Variants in ST8SIA6 observed in about 807,000 individuals in gnomAD.
ST8SIA6 encodes the protein ST8 alpha-N-acetyl-neuraminide alpha-2,8-sialyltransferase 6.
In ST8SIA6, 39 loss-of-function variants were observed where a neutral mutation model predicts 33.6. The observed-to-expected ratio is 1.16, with a 90% CI of 0.90 to 1.52. The LOEUF (loss-of-function observed/expected upper bound fraction) is 1.52. Ranked by LOEUF, ST8SIA6 falls within the 40% of genes most tolerant of loss-of-function variation. The pLI, the probability that ST8SIA6 is intolerant of heterozygous loss-of-function variation, is 0.00. For synonymous variants in ST8SIA6, 172 were observed against 167.2 expected, an observed-to-expected ratio of 1.03 and a Z score of -0.22; for missense variants, 441 against 443.8, an observed-to-expected ratio of 0.99 and a Z score of 0.06.
chr10:17,351,385 GT>G (rs1163606533), intron 4 of ST8SIA6, among the ~76,000 whole-genome samples: 2 of 150,348 alleles, frequency 1.3e-5, no homozygotes, highest in East Asian at 3.9e-4. Flanking sequence ...TAAAAAAAAA[GT>G]TAAATTTCTT....
chr10:17,433,046 T>C (rs1232398708), intron 2 of ST8SIA6, among the ~76,000 whole-genome samples: 1 of 152,224 alleles, frequency 6.6e-6, no homozygotes, highest in Non-Finnish European at 1.5e-5. Context: ...TTCTGGGAGC[T>C]GCCCAATTCA....
chr10:17,394,917 A>G (rs952648513), intron 2 of ST8SIA6, among the ~76,000 whole-genome samples: 1 of 152,200 alleles, frequency 6.6e-6, no homozygotes, highest in Non-Finnish European at 1.5e-5. Context: ...GTGGCACAAG[A>G]GATAGCTGCA....
At chr10:17,375,964 G>A (rs918307542) in intron 3 of ST8SIA6, among the ~76,000 whole-genome samples, 4 of 152,172 alleles carry the variant, frequency 2.6e-5, no homozygotes, top group African/African-American at 9.7e-5. Flanking sequence ...TGGCAGAGAC[G>A]CCTGGCGGAT....
intron 3 of ST8SIA6, among the ~76,000 whole-genome samples, chr10:17,385,128 C>T (rs442593): frequency 0.27 from 41,547 of 152,052 alleles, 6,444 homozygotes; most frequent in East Asian, 0.64. Context: ...GAAACTCCAG[C>T]TGGAAACTGC....
At chr10:17,380,696 C>T (rs1850101759) in intron 3 of ST8SIA6, among the ~76,000 whole-genome samples, 1 of 152,024 alleles carries the variant, frequency 6.6e-6, no homozygotes, top group South Asian at 2.1e-4. Context: ...TAAGGAGCTC[C>T]ATGATTAAAA....
intron 2 of ST8SIA6, among the ~76,000 whole-genome samples, chr10:17,397,112 G>C (rs544515618): frequency 3.7e-4 from 56 of 152,122 alleles, no homozygotes; most frequent in African/African-American, 1.3e-3. Flanking sequence ...CCCATACACT[G>C]CCTCCATGTC....
At chr10:17,431,822 AACAG>A (rs1852111816) in intron 2 of ST8SIA6, among the ~76,000 whole-genome samples, 1 of 152,374 alleles carries the variant, frequency 6.6e-6, no homozygotes, top group Non-Finnish European at 1.5e-5. Flanking sequence ...CAGTAAATGA[AACAG>A]ACAAACATCT....
In ST8SIA6 at chr10:17,384,728, A is replaced by C. The variant is rs544888657; in HGVS notation, c.290+5803T>G. ...ATGAGAACTGAAGCCAGACAATTTAAACTTAAGAAGAAAATAACAGCAACC... is the reference window on the plus strand; with the variant it reads ...ATGAGAACTGAAGCCAGACAATTTACACTTAAGAAGAAAATAACAGCAACC... On this transcript the variant is annotated intron_variant, in intron 3 of 7. Transcript: ENST00000377602. Among the ~76,000 whole-genome samples, 11 of 152,330 alleles carry C rather than the reference A, an allele frequency of 7.2e-5. No individual in the cohort carries two copies. The South Asian group carries it at 2.1e-3, about 29-fold the overall frequency.
Position 17,340,602 on chromosome 10 carries a change from G to A in ST8SIA6, c.378-9050C>T, listed in dbSNP as rs571263183. On this transcript the variant is annotated intron_variant, in intron 4 of 7. Coordinates refer to ENST00000377602, the MANE Select transcript of ST8SIA6 (RefSeq NM_001004470.3). ...GCTCTCGCCATTGCTCCCTTCATGA[G>A]ACACACCCTTCTATAGAAGTAAAAT... Among the ~76,000 whole-genome samples, 94 of 152,148 alleles carry A rather than the reference G, an allele frequency of 6.2e-4. 1 individual carries two copies. Among genetic ancestry groups the A allele is most frequent in the Non-Finnish European group, 1.2e-3 (81 of 68,042 alleles).
intron 4 of ST8SIA6, among the ~76,000 whole-genome samples, chr10:17,337,006 A>G (rs1848520535): frequency 6.6e-6 from 1 of 152,158 alleles, no homozygotes; most frequent in Admixed American, 6.5e-5. Flanking sequence ...AAACCTCATG[A>G]CGAATTGTAA....
At chr10:17,358,444 T>C (rs1037806965) in intron 4 of ST8SIA6, among the ~76,000 whole-genome samples, 94 of 152,324 alleles carry the variant, frequency 6.2e-4, no homozygotes, top group African/African-American at 2.1e-3. Flanking sequence ...TTTTTACAAG[T>C]TTAATGCTTC....
chr10:17,353,106 G>A (rs189632045), intron 4 of ST8SIA6, among the ~76,000 whole-genome samples: 138 of 152,196 alleles, frequency 9.1e-4, no homozygotes, highest in Non-Finnish European at 1.6e-3. Context: ...ATGATTTTTG[G>A]TTTTCTCCAA....
intron 4 of ST8SIA6, among the ~76,000 whole-genome samples, chr10:17,334,267 C>T (rs988274273): frequency 8.6e-5 from 13 of 151,614 alleles, no homozygotes; most frequent in African/African-American, 2.7e-4. Context: ...AGGCTGGGCG[C>T]GGTGGCTCAC....
chr10:17,322,892 A>G (rs183949444), intron 7 of ST8SIA6, among the ~76,000 whole-genome samples, 173 bp downstream of exon 7: 12 of 152,310 alleles, frequency 7.9e-5, no homozygotes, highest in African/African-American at 2.4e-4. Context: ...CTTAGGAAAA[A>G]CGACCTTGAT....
intron 2 of ST8SIA6, among the ~76,000 whole-genome samples, chr10:17,435,585 T>G (rs1400679132): frequency 6.6e-6 from 1 of 152,142 alleles, no homozygotes; most frequent in African/African-American, 2.4e-5. Flanking sequence ...ATTGCTAAAC[T>G]TCCTTGGTTC....
At chr10:17,340,516 G>A (rs1009888444) in intron 4 of ST8SIA6, among the ~76,000 whole-genome samples, 12 of 152,298 alleles carry the variant, frequency 7.9e-5, no homozygotes, top group Admixed American at 2.6e-4. Context: ...TGGGAATGTC[G>A]CAGCAGTAGG....
intron 3 of ST8SIA6, among the ~76,000 whole-genome samples, chr10:17,380,330 G>A (rs943747920): frequency 6.6e-6 from 1 of 152,188 alleles, no homozygotes; most frequent in African/African-American, 2.4e-5. Flanking sequence ...ACAAAAGTTA[G>A]TATTTAACAA....
intron 2 of ST8SIA6, among the ~76,000 whole-genome samples, chr10:17,405,866 G>C (rs1193328938): frequency 7.1e-6 from 1 of 141,262 alleles, no homozygotes; most frequent in African/African-American, 2.7e-5. Context: ...GCCTGGGCAA[G>C]AGAGCAAGAC....
intron 4 of ST8SIA6, among the ~76,000 whole-genome samples, chr10:17,335,404 A>T (rs186600563): frequency 1.2e-4 from 19 of 152,350 alleles, no homozygotes; most frequent in African/African-American, 4.3e-4. Context: ...CAAAAATACA[A>T]CGATCTAATT....
Sources: allele counts gnomAD v4.1 joint callset (sites outside exome capture counted in the v4.1 genomes callset), GRCh38; gene constraint gnomAD v4.1.1; transcripts MANE v1.5; gene names NCBI Gene and HGNC (gene_info 2026-07-23, HGNC 2026-07-21).